Variants in BSN observed in about 807,000 individuals in gnomAD.
BSN encodes protein bassoon.
In BSN, 57 loss-of-function variants were observed where a neutral mutation model predicts 264.8. That is an observed-to-expected ratio of 0.22 (90% confidence interval 0.17 to 0.27). The LOEUF (loss-of-function observed/expected upper bound fraction) is 0.27, where lower values mean the gene tolerates loss of function less well. BSN is among the 10% of genes least tolerant of loss of function. The pLI is 1.00. For missense variants in BSN, 4,615 were observed against 5,232.5 expected (o/e 0.88, Z 3.64); for synonymous variants, 2,059 against 2,137.3 (o/e 0.96, Z 1.01).
chr3:49,596,900 A>G (rs2052028125), intron 1 of BSN, among the ~76,000 whole-genome samples: 1 of 152,060 alleles, frequency 6.6e-6, no homozygotes, highest in African/African-American at 2.4e-5. Context: ...GTGTCAGTTG[A>G]TAAGATTATT....
At chr3:49,588,456 C>A (rs114834839) in intron 1 of BSN, among the ~76,000 whole-genome samples, 633 of 152,094 alleles carry the variant, frequency 4.2e-3, no homozygotes, top group Middle Eastern at 0.01. Flanking sequence ...TCCTTCTATC[C>A]CCAGTTTTTT....
intron 1 of BSN, among the ~76,000 whole-genome samples, chr3:49,607,069 C>T (rs964513014): frequency 2.6e-5 from 4 of 152,154 alleles, no homozygotes; most frequent in African/African-American, 4.8e-5. Flanking sequence ...TCTGGGCCAG[C>T]GGACCTTTGC....
In BSN at chr3:49,655,815, C is replaced by G; in HGVS notation, c.6259C>G (p.Leu2087Val). 6.2e-7 allele frequency: 1 copy of G among 1,613,420 alleles called. No homozygotes were observed. Among genetic ancestry groups the G allele is most frequent in the Non-Finnish European group, 8.5e-7 (1 of 1,180,024 alleles). The change falls in exon 5 of 12, where the codon CTG becomes GTG. Residue 2087 changes from leucine to valine, a missense_variant. By Grantham distance (32) the Leu-to-Val change is conservative (BLOSUM62 1). Around this residue, in one of 3 missense-constraint regions of BSN, gnomAD observed 3,415 missense variants for 3,866.4 expected, o/e 0.88. Coordinates refer to ENST00000296452, the MANE Select transcript of BSN (RefSeq NM_003458.4). ...TGCAGTTGGCTTCCAGGAGGCCAGCCTGGCCCAGTACAGTGCCACCACAGC... is the reference window on the plus strand; with the variant it reads ...TGCAGTTGGCTTCCAGGAGGCCAGCGTGGCCCAGTACAGTGCCACCACAGC... ...GDAVGFQEAS[L>V]AQYSATTARE...
At chr3:49,593,186 G>T (rs1036258476) in intron 1 of BSN, among the ~76,000 whole-genome samples, 1 of 152,138 alleles carries the variant, frequency 6.6e-6, no homozygotes, top group Non-Finnish European at 1.5e-5. Context: ...TTTTCACTCA[G>T]TGTAATTCCC....
rs2052742293 is a variant in BSN, at chr3:49,669,798, C to T, written c.*2313C>T. The T allele has an allele frequency of 6.6e-6, 1 of 152,446 alleles. No individual in the cohort carries two copies. The highest frequency in any genetic ancestry group is 6.5e-5 in the Admixed American group (1 of 15,282). 9.4% of individuals were successfully genotyped at this position (152,446 alleles called of 1,614,324 possible). A position where few individuals can be genotyped will look rare whatever the true frequency, so the allele number is the denominator to read the frequency against. On this transcript the variant is annotated 3_prime_UTR_variant, in exon 12 of 12. Coordinates refer to ENST00000296452, the MANE Select transcript of BSN (RefSeq NM_003458.4). ...AAATCTTACAGAAGGTCCTGTGTGA[C>T]CCTCTCTGCATCTGTCCCCAGGACC...
At chr3:49,605,468 TAA>T (rs1299436103) in intron 1 of BSN, among the ~76,000 whole-genome samples, 9 of 14,316 alleles carry the variant, frequency 6.3e-4, no homozygotes, top group African/African-American at 1.6e-3. Flanking sequence ...ATATTATATA[TAA>T]TATATATTAT....
Position 49,625,462 on chromosome 3 carries a change from C to A in BSN, c.633+79C>A. ...CCCCTGGTTCCCTTCCCCTCTTTCA[C>A]CAACTCTCTTTTCCTGGTCATTTCC... On this transcript the variant is annotated intron_variant, in intron 2 of 11. Transcript: ENST00000296452. This position sits in a 1 kb window ranked among gnomAD's most constrained non-coding sequence, Gnocchi z 4.4. The A allele has an allele frequency of 1.5e-6, 2 of 1,312,708 alleles. No individual in the cohort carries two copies. Among genetic ancestry groups the A allele is most frequent in the Non-Finnish European group, 2.0e-6 (2 of 1,004,564 alleles). 81.3% of individuals were successfully genotyped at this position (1,312,708 alleles called of 1,614,324 possible). A position where few individuals can be genotyped will look rare whatever the true frequency, so the allele number is the denominator to read the frequency against.
At chr3:49,627,720 G>T (rs2052351781) in intron 2 of BSN, among the ~76,000 whole-genome samples, 2 of 152,204 alleles carry the variant, frequency 1.3e-5, no homozygotes, top group South Asian at 4.1e-4. Flanking sequence ...TAAGGGGCTG[G>T]TTCTGAAGTT....
intron 3 of BSN, among the ~76,000 whole-genome samples, chr3:49,647,962 C>G (rs2052512585): frequency 1.3e-5 from 2 of 152,248 alleles, no homozygotes; most frequent in African/African-American, 2.4e-5. Context: ...GCCTGCTCTC[C>G]CTTCCTCACT....
Position 49,655,457 on chromosome 3 carries a change from G to A in BSN, c.5901G>A (p.Glu1967=). ...AQGVVGPGPH[E]EQRPYPQGLP... ...GGGTGGTGGGGCCTGGGCCCCATGA[G>A]GAGCAGAGGCCCTACCCACAAGGCC... The change falls in exon 5 of 12, where the codon GAG becomes GAA. Residue 1967 remains glutamate, a synonymous_variant. Transcript: ENST00000296452. The A allele has an allele frequency of 6.3e-7, 1 of 1,576,034 alleles. No individual in the cohort carries two copies.
In BSN at chr3:49,653,008, G is replaced by T. The variant is rs1291664443; in HGVS notation, c.3452G>T (p.Ser1151Ile). The T allele has an allele frequency of 6.2e-7, 1 of 1,613,464 alleles. No individual in the cohort carries two copies. The highest frequency in any genetic ancestry group is 8.5e-7 in the Non-Finnish European group (1 of 1,179,952). ...CCTAGCCGGCTTTACAAGTCAGGCAGTGAGTACAACCTGCCCACCTTCATG... is the reference window on the plus strand; with the variant it reads ...CCTAGCCGGCTTTACAAGTCAGGCATTGAGTACAACCTGCCCACCTTCATG... ...GGPSRLYKSG[S>I]EYNLPTFMSL... The change falls in exon 5 of 12, where the codon AGT (serine) becomes ATT (isoleucine). Residue 1151 changes from serine (S) to isoleucine (I), a missense_variant. Ser to Ile is a moderately radical substitution (Grantham distance 142, BLOSUM62 -2). Coordinates refer to ENST00000296452, the MANE Select transcript of BSN (RefSeq NM_003458.4). The surrounding 1 kb of genome is among the most constrained non-coding windows in gnomAD (Gnocchi z 6.3).
chr3:49,606,228 ATATAT>A (rs2052144756), intron 1 of BSN, among the ~76,000 whole-genome samples: 1 of 90,756 alleles, frequency 1.1e-5, no homozygotes, highest in African/African-American at 4.6e-5. Context: ...TTATATATAC[ATATAT>A]TATATATGTA....
At position 49,661,064 on chromosome 3, in the gene BSN, C is replaced by A; in HGVS notation, c.9219C>A (p.Asn3073Lys). Reference protein sequence around the residue: ...YSAGSGGPTQNGFPAHQAPTY... With the variant: ...YSAGSGGPTQKGFPAHQAPTY... ...CAGGCAGTGGTGGGCCAACTCAGAA[C>A]GGATTCCCAGCCCACCAGGCCCCCA... The change falls in exon 6 of 12, where the codon AAC becomes AAA. Residue 3073 changes from asparagine to lysine, a missense_variant. Asn to Lys is a moderately conservative substitution (Grantham distance 94). Around this residue, in one of 3 missense-constraint regions of BSN, gnomAD observed 3,415 missense variants for 3,866.4 expected, o/e 0.88. Transcript: ENST00000296452. 6.2e-7 allele frequency: 1 copy of A among 1,611,962 alleles called. No homozygotes were observed. The highest frequency in any genetic ancestry group is 2.2e-5 in the East Asian group (1 of 44,870).
intron 1 of BSN, among the ~76,000 whole-genome samples, chr3:49,575,624 TA>T (rs1223754311): frequency 7.6e-6 from 1 of 130,814 alleles, no homozygotes; most frequent in African/African-American, 2.9e-5. Context: ...TGTATATATA[TA>T]GTATATATAT....
At chr3:49,556,521 C>A (rs565082536) in intron 1 of BSN, among the ~76,000 whole-genome samples, 8 of 152,296 alleles carry the variant, frequency 5.3e-5, no homozygotes, top group African/African-American at 1.9e-4. Context: ...TGGCTGTGGG[C>A]AAGGCTCATA....
In BSN at chr3:49,639,283, CT is replaced by C. The variant is rs553239137; in HGVS notation, c.634-2984del. Among the ~76,000 whole-genome samples the C allele has an allele frequency of 8.7e-5, 13 of 150,252 alleles. No homozygotes were observed. In the East Asian group the frequency reaches 2.5e-3, roughly 29 times the overall value. On this transcript the variant is annotated intron_variant, in intron 2 of 11. Coordinates refer to ENST00000296452, the MANE Select transcript of BSN (RefSeq NM_003458.4). The stretch of plus-strand genomic sequence containing the variant: ...GCATGATCTCGGCTCACTACAACCT[CT>C]GCCTCCCAGGTTCAAGCGATTCTCC...
At chr3:49,639,199 C>CTTTT (rs71631022) in intron 2 of BSN, among the ~76,000 whole-genome samples, 2 of 133,872 alleles carry the variant, frequency 1.5e-5, no homozygotes, top group South Asian at 2.3e-4. Flanking sequence ...CTTTCTTTTT[C>CTTTT]TTTTTTTTTT....
intron 1 of BSN, among the ~76,000 whole-genome samples, chr3:49,561,706 A>C (rs530995642): frequency 4.6e-5 from 7 of 152,336 alleles, no homozygotes; most frequent in African/African-American, 1.7e-4. Flanking sequence ...TTTTGTGGTG[A>C]GGATGCTTAA....
In BSN at chr3:49,669,150, G is replaced by A. The variant is rs973915449; in HGVS notation, c.*1665G>A. On this transcript the variant is annotated 3_prime_UTR_variant, in exon 12 of 12. Transcript: ENST00000296452. ...TAAATGCTTGACCCTCTTGCTTGGA[G>A]TTCTTTTTGCCTCAGAACCTCTCCT... 6.6e-6 allele frequency: 1 copy of A among 152,644 alleles called. No homozygotes were observed. The highest frequency in any genetic ancestry group is 2.4e-5 in the African/African-American group (1 of 41,452). The allele number at this position is 152,644 out of a possible 1,614,324, so 9.5% of individuals were successfully genotyped here.
Sources: gnomAD v4.1 joint callset for allele counts (sites outside exome capture counted in the v4.1 genomes callset) on GRCh38, gnomAD v4.1.1 for gene constraint, gnomAD v4.1.1 regional missense constraint, Gnocchi (gnomAD v3.1) non-coding constraint, MANE v1.5 for transcripts, NCBI Gene and HGNC (gene_info 2026-07-23, HGNC 2026-07-21) for gene names.